Variants in TOLLIP observed in about 807,000 individuals in gnomAD.
The protein encoded by TOLLIP is toll interacting protein.
Under a neutral mutation model 33.5 loss-of-function variants are expected in TOLLIP, and 16 were observed. That is an observed-to-expected ratio of 0.48 (90% CI 0.32 to 0.72). The LOEUF (loss-of-function observed/expected upper bound fraction) is 0.72. Among genes scored for constraint, TOLLIP ranks in the 30% least tolerant of loss-of-function variants. The pLI, the probability that TOLLIP is intolerant of heterozygous loss-of-function variation, is 0.03. For synonymous variants in TOLLIP, 176 were observed against 163.7 expected (o/e 1.07, Z -0.57); for missense variants, 325 against 396.6 (o/e 0.82, Z 1.53).
chr11:1,290,816 C>G lies in TOLLIP; in HGVS notation c.184-407G>C, dbSNP rs1034021987. The G allele has an allele frequency of 5.6e-6, 1 of 178,418 alleles. No homozygotes were observed. The highest frequency in any genetic ancestry group is 2.4e-5 in the African/African-American group (1 of 42,396). The allele number at this position is 178,418 out of a possible 1,614,324, so 11.1% of individuals were successfully genotyped here. Reference sequence around the variant, plus strand: ...ATGGAGTGTGAACCTGCCCCCGGAGCATGATGACCCGGGAGAGGTGCATCC... The same window carrying G: ...ATGGAGTGTGAACCTGCCCCCGGAGGATGATGACCCGGGAGAGGTGCATCC... On this transcript the variant is annotated intron_variant, in intron 2 of 5. Coordinates refer to ENST00000317204, the MANE Select transcript of TOLLIP (RefSeq NM_019009.4). The surrounding 1 kb of genome is among the most constrained non-coding windows in gnomAD (Gnocchi z 4.9).
intron 5 of TOLLIP, among the ~76,000 whole-genome samples, chr11:1,285,786 A>C (rs565110837): frequency 1.3e-3 from 199 of 152,270 alleles, no homozygotes; most frequent in Non-Finnish European, 1.9e-3. Flanking sequence ...AAAAAAAAAA[A>C]AACAATTCTA....
intron 3 of TOLLIP, among the ~76,000 whole-genome samples, chr11:1,289,204 C>T (rs762771209): frequency 6.6e-6 from 1 of 152,208 alleles, no homozygotes; most frequent in Non-Finnish European, 1.5e-5. Context: ...CCACAGCTGA[C>T]TCTGCACTTC....
intron 2 of TOLLIP, among the ~76,000 whole-genome samples, chr11:1,293,065 C>T (rs922846002): frequency 1.3e-5 from 2 of 152,028 alleles, no homozygotes; most frequent in African/African-American, 4.8e-5. Context: ...GTGCGGGGGG[C>T]TCCAGGCCTG....
chr11:1,286,227 C>G, intron 4 of TOLLIP, 135 bp from the exon 5 acceptor site: 2 of 665,434 alleles, frequency 3.0e-6, no homozygotes, highest in Non-Finnish European at 5.3e-6. Context: ...CAGAATCACC[C>G]TCGCTACACG....
intron 2 of TOLLIP, among the ~76,000 whole-genome samples, chr11:1,292,398 A>G (rs5743949): frequency 0.062 from 9,463 of 152,288 alleles, 342 homozygotes; most frequent in Admixed American, 0.11. Flanking sequence ...TGGGTGGCAC[A>G]TGGGACTCCC....
chr11:1,303,879 T>C lies in TOLLIP; in HGVS notation c.33+5587A>G, dbSNP rs190393396. Reference sequence around the variant, plus strand: ...GGTGAAACCCCATCTCTACTAAAAATACAAAAATTAGCTGGGCGTGGTGGT... The same window carrying C: ...GGTGAAACCCCATCTCTACTAAAAACACAAAAATTAGCTGGGCGTGGTGGT... On this transcript the variant is annotated intron_variant, in intron 1 of 5. Coordinates refer to ENST00000317204, the MANE Select transcript of TOLLIP (RefSeq NM_019009.4). The surrounding 1 kb of genome is among the most constrained non-coding windows in gnomAD (Gnocchi z 4.2). Among the ~76,000 whole-genome samples the C allele has an allele frequency of 2.6e-5, 4 of 151,788 alleles. No individual in the cohort carries two copies. The highest frequency in any genetic ancestry group is 6.5e-5 in the Admixed American group (1 of 15,272).
rs1419312211 is a variant in TOLLIP at position 1,303,909 on chromosome 11, G to A, written c.33+5557C>T. Among the ~76,000 whole-genome samples, 2 of 152,028 alleles carry A rather than the reference G, an allele frequency of 1.3e-5. No individual in the cohort carries two copies. The highest frequency in any genetic ancestry group is 6.6e-5 in the Admixed American group (1 of 15,264). On this transcript the variant is annotated intron_variant, in intron 1 of 5. Coordinates refer to ENST00000317204, the MANE Select transcript of TOLLIP (RefSeq NM_019009.4). The surrounding 1 kb of genome is among the most constrained non-coding windows in gnomAD (Gnocchi z 4.2). ...AAATTAGCTGGGCGTGGTGGTGGACGCCTGTAATCCCAGCTACTCGGGAGT... is the reference window on the plus strand; with the variant it reads ...AAATTAGCTGGGCGTGGTGGTGGACACCTGTAATCCCAGCTACTCGGGAGT...
chr11:1,282,878 G>A (rs1039255072), intron 5 of TOLLIP, among the ~76,000 whole-genome samples: 3 of 151,444 alleles, frequency 2.0e-5, no homozygotes, highest in Non-Finnish European at 4.4e-5. Context: ...ATGGCACATG[G>A]ATACATATGT....
intron 1 of TOLLIP, among the ~76,000 whole-genome samples, chr11:1,298,759 C>T (rs991499188): frequency 2.6e-5 from 4 of 152,384 alleles, no homozygotes; most frequent in Admixed American, 6.5e-5. Flanking sequence ...CCGCAGCCAG[C>T]GCCATGTGGC....
At chr11:1,280,743 G>A (rs939571491) in intron 5 of TOLLIP, among the ~76,000 whole-genome samples, 1 of 152,076 alleles carries the variant, frequency 6.6e-6, no homozygotes, top group Non-Finnish European at 1.5e-5. Context: ...GCAACAGGAG[G>A]AGGGAAAGTG....
chr11:1,276,984 G>GC lies in TOLLIP; in HGVS notation c.*54dup, dbSNP rs1359651161. On this transcript the variant is annotated 3_prime_UTR_variant, in exon 6 of 6. Coordinates refer to ENST00000317204, the MANE Select transcript of TOLLIP (RefSeq NM_019009.4). ...TTGTTGGGACAGCATTCCTTGGGGAGCGCCGGGTCGGCGTGTCCAAAGAGC... is the reference window on the plus strand; with the variant it reads ...TTGTTGGGACAGCATTCCTTGGGGAGCCGCCGGGTCGGCGTGTCCAAAGAGC... 1.3e-6 allele frequency: 2 copies of GC among 1,595,618 alleles called. No individual in the cohort carries two copies. The highest frequency in any genetic ancestry group is 1.3e-5 in the African/African-American group (1 of 74,644).
In TOLLIP at chr11:1,303,415, T is replaced by C. The variant is rs1277561934; in HGVS notation, c.33+6051A>G. Among the ~76,000 whole-genome samples the C allele has an allele frequency of 6.6e-6, 1 of 152,210 alleles. No individual in the cohort carries two copies. Among genetic ancestry groups the C allele is most frequent in the Admixed American group, 6.5e-5 (1 of 15,294 alleles). On this transcript the variant is annotated intron_variant, in intron 1 of 5. Coordinates refer to ENST00000317204, the MANE Select transcript of TOLLIP (RefSeq NM_019009.4). This position sits in a 1 kb window ranked among gnomAD's most constrained non-coding sequence, Gnocchi z 4.2. ...CGCTGCGGCAGCCTCTGCGTGTCAC[T>C]GTGTGCCTGAGGCTTCCATGGTGAG...
At chr11:1,299,765 T>C (rs1176209586) in intron 1 of TOLLIP, among the ~76,000 whole-genome samples, 1 of 152,242 alleles carries the variant, frequency 6.6e-6, no homozygotes, top group Non-Finnish European at 1.5e-5. Context: ...CCCCTGTCAA[T>C]GCTCACTCGG....
intron 3 of TOLLIP, among the ~76,000 whole-genome samples, chr11:1,289,936 G>A (rs1448059523): frequency 1.3e-5 from 2 of 152,370 alleles, no homozygotes; most frequent in Admixed American, 6.5e-5. Context: ...ACCTGCTGGT[G>A]AGCGGCCAGA....
intron 1 of TOLLIP, 40 bp from the exon 2 acceptor site, chr11:1,295,834 G>C (rs747839576): frequency 6.6e-6 from 10 of 1,516,036 alleles, no homozygotes; most frequent in Middle Eastern, 3.9e-4. Context: ...GAGTCAGGGT[G>C]GGGGCACAAA....
chr11:1,287,101 A>G (rs1232878838), intron 4 of TOLLIP, among the ~76,000 whole-genome samples: 1 of 151,910 alleles, frequency 6.6e-6, no homozygotes, highest in Non-Finnish European at 1.5e-5. Flanking sequence ...CTCTGAGTTC[A>G]AAACTGTCAG....
chr11:1,308,608 T>C (rs5743856), intron 1 of TOLLIP, among the ~76,000 whole-genome samples: 7,036 of 152,348 alleles, frequency 0.046, 215 homozygotes, highest in Middle Eastern at 0.099. Context: ...ATTAATGCTA[T>C]AGAAGAAACT....
rs1276200202 is a variant in TOLLIP, at chr11:1,303,183, C to T, written c.33+6283G>A. ...TTATAAAAGCTGACTACAGAACAAG[C>T]GACTTTAAATGGGGTCTCTGCCAGG... On this transcript the variant is annotated intron_variant, in intron 1 of 5. Transcript: ENST00000317204. This position sits in a 1 kb window ranked among gnomAD's most constrained non-coding sequence, Gnocchi z 4.2. Among the ~76,000 whole-genome samples, 3 of 152,138 alleles carry T rather than the reference C, an allele frequency of 2.0e-5. No homozygotes were observed. Among genetic ancestry groups the T allele is most frequent in the Non-Finnish European group, 2.9e-5 (2 of 68,032 alleles).
At position 1,278,364 on chromosome 11, in the gene TOLLIP, G is replaced by C. The variant is rs545696672; in HGVS notation, c.611-1111C>G. ...CCCAGCTAGGATCACTGGAGCGCTA[G>C]AGCCCCAATCTTAGGATAGGACTTT... On this transcript the variant is annotated intron_variant, in intron 5 of 5. Coordinates refer to ENST00000317204, the MANE Select transcript of TOLLIP (RefSeq NM_019009.4). The surrounding 1 kb of genome is among the most constrained non-coding windows in gnomAD (Gnocchi z 4.7). 5.9e-5 allele frequency among the ~76,000 whole-genome samples: 9 copies of C among 152,314 alleles called. No homozygotes were observed. Among genetic ancestry groups the C allele is most frequent in the Non-Finnish European group, 1.3e-4 (9 of 68,014 alleles).
Sources: allele counts gnomAD v4.1 joint callset (sites outside exome capture counted in the v4.1 genomes callset), GRCh38; gene constraint gnomAD v4.1.1; non-coding constraint Gnocchi (gnomAD v3.1); transcripts MANE v1.5; gene names NCBI Gene and HGNC (gene_info 2026-07-23, HGNC 2026-07-21).